Variants in OPCML observed in about 807,000 individuals in gnomAD.
OPCML encodes the protein opioid-binding protein/cell adhesion molecule.
In OPCML, 13 loss-of-function variants were observed where a neutral mutation model predicts 37.8. The observed-to-expected ratio is 0.34, with a 90% CI of 0.22 to 0.55. OPCML has a LOEUF of 0.55. Ranked by LOEUF, OPCML falls within the 20% of genes least tolerant of loss-of-function variation. The probability of loss-of-function intolerance (pLI) is 0.91; values close to 1 mark genes in which losing one functional copy is unlikely to be tolerated. For synonymous variants in OPCML, 176 were observed against 168.8 expected (o/e 1.04, Z -0.33); for missense variants, 341 against 435.6 (o/e 0.78, Z 1.93).
chr11:132,959,437 G>A (rs769834038), intron 1 of OPCML, among the ~76,000 whole-genome samples: 8 of 152,344 alleles, frequency 5.3e-5, no homozygotes, highest in Non-Finnish European at 1.0e-4. Context: ...AGCTGATAAA[G>A]CAGCGGCGGG....
chr11:133,025,243 A>G (rs1947529904), intron 1 of OPCML: 1 of 777,966 alleles, frequency 1.3e-6, no homozygotes, highest in African/African-American at 1.9e-5. Flanking sequence ...TATTTGTGCA[A>G]ATATACACCA....
At position 133,310,858 on chromosome 11, in the gene OPCML, G is replaced by A. The variant is rs550731958; in HGVS notation, c.61+221406C>T. On this transcript the variant is annotated intron_variant, in intron 1 of 7. Transcript: ENST00000524381. ...ACCCAGCACTTCCAGGTAACACTGC[G>A]TGCTATGCAAATATTCTGCTAACAT... Among the ~76,000 whole-genome samples the A allele has an allele frequency of 1.1e-4, 16 of 152,298 alleles. No homozygotes were observed. The East Asian group carries it at 2.3e-3, about 22-fold the overall frequency.
chr11:132,602,248 GA>G (rs1426831349), intron 3 of OPCML, among the ~76,000 whole-genome samples: 1 of 152,084 alleles, frequency 6.6e-6, no homozygotes, highest in Non-Finnish European at 1.5e-5. Context: ...GGAGGAGAAT[GA>G]AAATGTAGCT....
At chr11:133,297,632 G>A (rs2136556806) in intron 1 of OPCML, 1 of 152,334 alleles carries the variant, frequency 6.6e-6, no homozygotes, top group African/African-American at 2.4e-5. Flanking sequence ...TGTCATCACA[G>A]ATTACATAGT....
chr11:132,741,355 T>C (rs879449776), intron 2 of OPCML, among the ~76,000 whole-genome samples: 1 of 152,178 alleles, frequency 6.6e-6, no homozygotes, highest in Non-Finnish European at 1.5e-5. Flanking sequence ...CACACCTAGG[T>C]TAAAAACCTG....
rs1223555707 is a variant in OPCML at position 132,943,992 on chromosome 11, A to G, written c.62-982T>C. Among the ~76,000 whole-genome samples, 1 of 151,720 alleles carries G rather than the reference A, an allele frequency of 6.6e-6. No individual in the cohort carries two copies. The highest frequency in any genetic ancestry group is 1.5e-5 in the Non-Finnish European group (1 of 67,840). On this transcript the variant is annotated intron_variant, in intron 1 of 7. Transcript: ENST00000524381. The surrounding 1 kb of genome is among the most constrained non-coding windows in gnomAD (Gnocchi z 4.3). ...CCACTTTCTCCCGGTGCCGCCTCGG[A>G]GCGAGCGGGCTGGCGGGCGGCGCGG... is the stretch of plus-strand genomic sequence containing the variant.
chr11:133,490,486 G>A lies in OPCML; in HGVS notation c.61+41778C>T, dbSNP rs80324188. 2.3e-3 allele frequency among the ~76,000 whole-genome samples: 344 copies of A among 152,300 alleles called. 1 individual carries two copies. Among genetic ancestry groups the A allele is most frequent in the Non-Finnish European group, 3.9e-3 (262 of 68,030 alleles). On this transcript the variant is annotated intron_variant, in intron 1 of 7. Transcript: ENST00000524381. ...AGGCCCAGGATGGCAGGCAAGGTCA[G>A]TGAAGTAAAACGAGGGTCAGGAGTG...
chr11:133,416,036 A>G (rs1365688257), intron 1 of OPCML, among the ~76,000 whole-genome samples: 1 of 152,106 alleles, frequency 6.6e-6, no homozygotes, highest in Non-Finnish European at 1.5e-5. Context: ...TTTTAGTTAT[A>G]CTCCAGCCAG....
intron 3 of OPCML, among the ~76,000 whole-genome samples, chr11:132,544,839 G>C (rs149431657): frequency 2.6e-5 from 4 of 152,108 alleles, no homozygotes; most frequent in African/African-American, 9.7e-5. Flanking sequence ...CCACCTCCAG[G>C]CAGGTGAGGA....
chr11:133,382,388 G>T (rs903633198), intron 1 of OPCML, among the ~76,000 whole-genome samples: 1 of 152,172 alleles, frequency 6.6e-6, no homozygotes, highest in Non-Finnish European at 1.5e-5. Context: ...ATTCGTGAGC[G>T]ATTGGAGAAG....
At chr11:132,543,364 A>G (rs2096361519) in intron 3 of OPCML, among the ~76,000 whole-genome samples, 3 of 151,822 alleles carry the variant, frequency 2.0e-5, no homozygotes. Context: ...GCACACACAC[A>G]CAGCCAGGCA....
chr11:132,991,505 AT>A (rs1946776435), intron 1 of OPCML, among the ~76,000 whole-genome samples: 2 of 152,236 alleles, frequency 1.3e-5, no homozygotes, highest in Non-Finnish European at 2.9e-5. Context: ...AATTTGAAAT[AT>A]TAACGAGCAT....
intron 3 of OPCML, among the ~76,000 whole-genome samples, chr11:132,583,553 G>T (rs754791372): frequency 2.0e-5 from 3 of 151,986 alleles, no homozygotes; most frequent in African/African-American, 7.2e-5. Context: ...TCTCACCTTC[G>T]CTTCTCAAAG....
intron 3 of OPCML, among the ~76,000 whole-genome samples, chr11:132,562,768 T>C (rs1160261388): frequency 2.6e-5 from 4 of 151,878 alleles, no homozygotes; most frequent in Middle Eastern, 6.3e-3. Context: ...ACCTTTGGGT[T>C]GGGGGGTGCA....
At chr11:132,622,273 G>A (rs1203478601) in intron 3 of OPCML, among the ~76,000 whole-genome samples, 2 of 152,040 alleles carry the variant, frequency 1.3e-5, no homozygotes, top group Admixed American at 1.3e-4. Flanking sequence ...ATGAATAGAG[G>A]GGAAAGGCAT....
At chr11:133,453,403 A>G (rs1359188478) in intron 1 of OPCML, among the ~76,000 whole-genome samples, 1 of 152,234 alleles carries the variant, frequency 6.6e-6, no homozygotes, top group African/African-American at 2.4e-5. Flanking sequence ...GGAAGAAATA[A>G]AAGCATTTGT....
At chr11:133,363,317 A>G (rs541206617) in intron 1 of OPCML, among the ~76,000 whole-genome samples, 1 of 152,270 alleles carries the variant, frequency 6.6e-6, no homozygotes, top group East Asian at 1.9e-4. Flanking sequence ...AGTCTTCGCC[A>G]AGGCAGCGCA....
chr11:132,649,676 C>A (rs1469312731), intron 3 of OPCML, among the ~76,000 whole-genome samples: 1 of 152,102 alleles, frequency 6.6e-6, no homozygotes, highest in Non-Finnish European at 1.5e-5. Flanking sequence ...TGTATGTATA[C>A]ACATATACAT....
chr11:132,739,359 A>G (rs1945364632), intron 2 of OPCML, among the ~76,000 whole-genome samples: 2 of 152,026 alleles, frequency 1.3e-5, no homozygotes, highest in African/African-American at 4.8e-5. Context: ...CTTTGTCTTT[A>G]TTTTGTCCGT....
Sources: allele counts gnomAD v4.1 joint callset (sites outside exome capture counted in the v4.1 genomes callset), GRCh38; gene constraint gnomAD v4.1.1; non-coding constraint Gnocchi (gnomAD v3.1); transcripts MANE v1.5; gene names NCBI Gene and HGNC (gene_info 2026-07-23, HGNC 2026-07-21).